Variants in CLEC16A observed in about 807,000 individuals in gnomAD.
CLEC16A encodes protein CLEC16A.
Under a neutral mutation model 109.5 loss-of-function variants are expected in CLEC16A, and 51 were observed. That is an observed-to-expected ratio of 0.47 (90% CI 0.37 to 0.59). The LOEUF (loss-of-function observed/expected upper bound fraction) is 0.59, where lower values mean the gene tolerates loss of function less well. CLEC16A is among the 20% of genes least tolerant of loss of function. The pLI is 0.00. For missense variants in CLEC16A, 1,339 were observed against 1,394.0 expected (o/e 0.96, Z 0.63); for synonymous variants, 673 against 564.2 (o/e 1.19, Z -2.73).
chr16:11,048,020 G>A (rs1375258679), intron 17 of CLEC16A: 2 of 152,346 alleles, frequency 1.3e-5, no homozygotes, highest in East Asian at 3.9e-4. Context: ...TTGACACGTG[G>A]GGATTCTCAT....
chr16:11,171,469 G>T (rs1257050861), intron 23 of CLEC16A, among the ~76,000 whole-genome samples: 2 of 152,198 alleles, frequency 1.3e-5, no homozygotes, highest in Non-Finnish European at 1.5e-5. Flanking sequence ...ATCCTCCAGT[G>T]CTCTGTGGGG....
At chr16:11,024,969 C>T (rs200676098) in intron 13 of CLEC16A, 48 bp downstream of exon 13, 22 of 1,276,558 alleles carry the variant, frequency 1.7e-5, no homozygotes, top group Non-Finnish European at 2.4e-5. Flanking sequence ...CCTGCATACC[C>T]ATAGCATCCT....
chr16:10,974,237 A>G (rs1353271437), intron 7 of CLEC16A, among the ~76,000 whole-genome samples: 2 of 152,094 alleles, frequency 1.3e-5, no homozygotes, highest in African/African-American at 4.8e-5. Flanking sequence ...ACAGTGTTCT[A>G]AAATTGACTG....
chr16:11,145,221 T>G (rs963964553), intron 22 of CLEC16A, among the ~76,000 whole-genome samples: 3 of 152,166 alleles, frequency 2.0e-5, no homozygotes, highest in Non-Finnish European at 4.4e-5. Context: ...GGTCCCACTC[T>G]ACTCCGACCA....
chr16:11,166,530 C>G lies in CLEC16A; in HGVS notation c.2784C>G (p.Pro928=), dbSNP rs759019460. 1.9e-6 allele frequency: 3 copies of G among 1,605,590 alleles called. No homozygotes were observed. Among genetic ancestry groups the G allele is most frequent in the Non-Finnish European group, 8.5e-7 (1 of 1,177,768 alleles). The part of the protein sequence containing the change: ...DSGGTSSSST[P]STAQSPADAP... ...GAGGCACCAGCTCGTCCTCCACCCCCTCCACAGCCCAGAGTCCAGCAGGTA... is the reference window on the plus strand; with the variant it reads ...GAGGCACCAGCTCGTCCTCCACCCCGTCCACAGCCCAGAGTCCAGCAGGTA... The change falls in exon 23 of 24, where the codon CCC becomes CCG. Residue 928 remains proline, a synonymous_variant. Coordinates refer to ENST00000409790, the MANE Select transcript of CLEC16A (RefSeq NM_015226.3).
chr16:11,002,981 G>A (rs1262670512), intron 10 of CLEC16A, 93 bp from the exon 11 acceptor site: 3 of 981,066 alleles, frequency 3.1e-6, no homozygotes, highest in East Asian at 2.6e-5. Flanking sequence ...TTGGAGATGA[G>A]TTTCTTAGGA....
rs199894071 is a variant in CLEC16A at position 11,178,920 on chromosome 16, G to A, written c.*230G>A. On this transcript the variant is annotated 3_prime_UTR_variant, in exon 24 of 24. Coordinates refer to ENST00000409790, the MANE Select transcript of CLEC16A (RefSeq NM_015226.3). This position sits in a 1 kb window ranked among gnomAD's most constrained non-coding sequence, Gnocchi z 6.5. ...AGGCTGGGACCAGCGGAGACACCGC[G>A]GCGAATGCAGATGACTGCACCGGCC... 1.2e-4 allele frequency: 58 copies of A among 486,828 alleles called. 1 individual carries two copies. The South Asian group carries it at 1.9e-3, about 16-fold the overall frequency. The allele number at this position is 486,828 out of a possible 1,614,324, so 30.2% of individuals were successfully genotyped here.
chr16:10,967,350 C>T (rs2042563132), intron 3 of CLEC16A, among the ~76,000 whole-genome samples: 1 of 152,138 alleles, frequency 6.6e-6, no homozygotes, highest in Non-Finnish European at 1.5e-5. Context: ...TTTATTTCCT[C>T]TTCACCCAAG....
intron 7 of CLEC16A, 130 bp downstream of exon 7, chr16:10,973,191 G>A (rs747748179): frequency 4.9e-5 from 52 of 1,052,840 alleles, no homozygotes; most frequent in Non-Finnish European, 5.9e-5. Flanking sequence ...ATGGACTTCC[G>A]TACTGTAAAA....
At chr16:11,129,813 G>A (rs1292248831) in intron 22 of CLEC16A, among the ~76,000 whole-genome samples, 2 of 151,102 alleles carry the variant, frequency 1.3e-5, no homozygotes, top group African/African-American at 2.4e-5. Flanking sequence ...CCCAGGCTGG[G>A]GTGCAGTGGC....
intron 10 of CLEC16A, among the ~76,000 whole-genome samples, chr16:10,998,423 G>A (rs190108519): frequency 4.6e-5 from 7 of 152,198 alleles, no homozygotes; most frequent in East Asian, 1.9e-4. Flanking sequence ...AGATGAGCGC[G>A]TGGTGAAACC....
intron 14 of CLEC16A, 86 bp downstream of exon 14, chr16:11,039,962 G>T (rs934398486): frequency 6.7e-7 from 1 of 1,484,540 alleles, no homozygotes; most frequent in Non-Finnish European, 9.0e-7. Context: ...TGGGTGCTAG[G>T]CCTGAGCCTT....
chr16:10,999,374 C>G (rs974096522), intron 10 of CLEC16A, among the ~76,000 whole-genome samples: 2 of 152,178 alleles, frequency 1.3e-5, no homozygotes, highest in African/African-American at 2.4e-5. Flanking sequence ...CCAATACATT[C>G]TTAGGCATCT....
At chr16:11,043,457 T>C (rs940487045) in intron 15 of CLEC16A, among the ~76,000 whole-genome samples, 5 of 152,022 alleles carry the variant, frequency 3.3e-5, no homozygotes, top group Non-Finnish European at 7.4e-5. Context: ...TTATAACCCA[T>C]TTTCCCCCAA....
At chr16:11,102,103 G>A (rs1457184658) in intron 19 of CLEC16A, among the ~76,000 whole-genome samples, 1 of 151,390 alleles carries the variant, frequency 6.6e-6, no homozygotes, top group Non-Finnish European at 1.5e-5. Context: ...GTGAGCCACC[G>A]CACCTAGTTC....
At chr16:11,175,932 A>C (rs2068731117) in intron 23 of CLEC16A, among the ~76,000 whole-genome samples, 1 of 152,266 alleles carries the variant, frequency 6.6e-6, no homozygotes, top group African/African-American at 2.4e-5. Context: ...TCGAAATTTT[A>C]AGAAAACGTG....
chr16:11,091,734 C>G (rs1035645524), intron 19 of CLEC16A, among the ~76,000 whole-genome samples: 2 of 152,132 alleles, frequency 1.3e-5, no homozygotes, highest in African/African-American at 4.8e-5. Context: ...AGCACGATGC[C>G]TGAAACACAG....
chr16:10,948,814 T>G (rs1258166667), intron 1 of CLEC16A, among the ~76,000 whole-genome samples: 1 of 152,216 alleles, frequency 6.6e-6, no homozygotes, highest in East Asian at 1.9e-4. Flanking sequence ...GCTCTACCTT[T>G]TTCCTGTTGG....
intron 19 of CLEC16A, among the ~76,000 whole-genome samples, chr16:11,108,470 T>C (rs1477212526): frequency 6.6e-6 from 1 of 152,206 alleles, no homozygotes; most frequent in African/African-American, 2.4e-5. Flanking sequence ...GACTGTCTCC[T>C]TGCCAGAACC....
Sources: gnomAD v4.1 joint callset for allele counts (sites outside exome capture counted in the v4.1 genomes callset) on GRCh38, gnomAD v4.1.1 for gene constraint, Gnocchi (gnomAD v3.1) non-coding constraint, MANE v1.5 for transcripts, NCBI Gene and HGNC (gene_info 2026-07-23, HGNC 2026-07-21) for gene names.